TRAF6: variants seen among roughly 807,000 people sequenced by gnomAD.
TRAF6 encodes the protein TNF receptor associated factor 6.
TRAF6 carries 10 observed loss-of-function variants against 48.4 expected under a neutral mutation model. That is an observed-to-expected ratio of 0.21 (90% CI 0.13 to 0.35). The LOEUF is 0.35. TRAF6 is among the 10% of genes least tolerant of loss of function. The pLI is 1.00. For missense variants in TRAF6, 397 were observed against 661.0 expected (o/e 0.60, Z 4.38); for synonymous variants, 186 against 219.6 (o/e 0.85, Z 1.35).
chr11:36,509,866 G>A (rs1020413924), intron 1 of TRAF6, among the ~76,000 whole-genome samples, 182 bp downstream of exon 1: 98 of 151,846 alleles, frequency 6.5e-4, no homozygotes, highest in Admixed American at 5.9e-4. Flanking sequence ...CAAGCGGGTA[G>A]GGGCGGCGTC....
chr11:36,510,021 A>G (rs1859886212), intron 1 of TRAF6, 27 bp downstream of exon 1: 1 of 152,294 alleles, frequency 6.6e-6, no homozygotes, highest in South Asian at 2.1e-4. Flanking sequence ...GGCGGCCGCC[A>G]GGAGGAGGCG....
intron 5 of TRAF6, among the ~76,000 whole-genome samples, chr11:36,494,708 G>A (rs1190493146): frequency 6.6e-6 from 1 of 151,366 alleles, no homozygotes; most frequent in East Asian, 1.9e-4. Flanking sequence ...CTTAAAATTG[G>A]TTTTGTTGGG....
Position 36,490,553 on chromosome 11 carries a change from T to C in TRAF6, c.854A>G (p.Asp285Gly), listed in dbSNP as rs1158440319. Reference sequence around the variant, plus strand: ...CCGGACCTCTGAGATATACCCAGAGTCGGGTATAACGCTCAAACTATGAAC... The same window carrying C: ...CCGGACCTCTGAGATATACCCAGAGCCGGGTATAACGCTCAAACTATGAAC... Reference protein sequence around the residue: ...QAVHSLSVIPDSGYISEVRNF... With the variant: ...QAVHSLSVIPGSGYISEVRNF... Residue 285 changes from aspartate to glycine, a missense_variant, in exon 7 of 7, where the codon GAC (aspartate) becomes GGC (glycine). Physicochemically the swap from Asp to Gly is moderately conservative, Grantham distance 94. Transcript: ENST00000526995. The surrounding 1 kb of genome is among the most constrained non-coding windows in gnomAD (Gnocchi z 6.4). 1.2e-6 allele frequency: 2 copies of C among 1,613,706 alleles called. No individual in the cohort carries two copies. Among genetic ancestry groups the C allele is most frequent in the East Asian group, 2.2e-5 (1 of 44,884 alleles).
chr11:36,497,309 A>C (rs755023627), intron 3 of TRAF6, 43 bp from the exon 4 acceptor site: 30 of 1,568,384 alleles, frequency 1.9e-5, no homozygotes, highest in Non-Finnish European at 2.5e-5. Flanking sequence ...CCAACTCTGA[A>C]GTCTTCTACA....
intron 4 of TRAF6, among the ~76,000 whole-genome samples, 182 bp from the exon 5 acceptor site, chr11:36,495,229 A>C (rs1455663151): frequency 1.3e-5 from 2 of 152,224 alleles, no homozygotes; most frequent in East Asian, 3.8e-4. Flanking sequence ...TCCCAGTGTA[A>C]TAATGAGATT....
intron 1 of TRAF6, among the ~76,000 whole-genome samples, chr11:36,508,352 G>T (rs1018530811): frequency 9.2e-5 from 14 of 151,836 alleles, no homozygotes; most frequent in African/African-American, 3.4e-4. Flanking sequence ...ACTTATTTCA[G>T]CCGTAAAATG....
intron 4 of TRAF6, among the ~76,000 whole-genome samples, chr11:36,496,669 T>C (rs912393073): frequency 6.6e-6 from 1 of 152,204 alleles, no homozygotes; most frequent in African/African-American, 2.4e-5. Flanking sequence ...CGATAAAGTA[T>C]CATCAAGAAA....
intron 1 of TRAF6, among the ~76,000 whole-genome samples, chr11:36,503,008 A>G (rs1025809726): frequency 6.6e-6 from 1 of 152,244 alleles, no homozygotes; most frequent in African/African-American, 2.4e-5. Context: ...TATGGAGCTT[A>G]AAAGGTTAAG....
At position 36,489,921 on chromosome 11, in the gene TRAF6, G is replaced by A; in HGVS notation, c.1486C>T (p.Arg496Cys). ...TCAAAGCGGGTGGAGACCTCACAGC[G>A]CACTAATAATGTGTCATCCTTAATG... ...TFIKDDTLLV[R>C]CEVSTRFDMG... The change falls in exon 7 of 7, where the codon CGC (arginine) becomes TGC (cysteine). Residue 496 changes from arginine (R) to cysteine (C), a missense_variant. By Grantham distance (180) the Arg-to-Cys change is radical (BLOSUM62 -3). This residue lies in a region of TRAF6 where 74 missense variants were observed against 198.9 expected (regional missense o/e 0.37). Transcript: ENST00000526995. The A allele has an allele frequency of 6.2e-7, 1 of 1,614,112 alleles. No homozygotes were observed. The highest frequency in any genetic ancestry group is 8.5e-7 in the Non-Finnish European group (1 of 1,180,010).
chr11:36,497,370 T>A, intron 3 of TRAF6, 104 bp from the exon 4 acceptor site: 1 of 1,086,172 alleles, frequency 9.2e-7, no homozygotes, highest in Non-Finnish European at 1.3e-6. Context: ...CTACTGAACC[T>A]ACTTTGTCTA....
intron 1 of TRAF6, among the ~76,000 whole-genome samples, chr11:36,509,412 G>A (rs936189886): frequency 6.6e-6 from 1 of 151,544 alleles, no homozygotes; most frequent in East Asian, 1.9e-4. Context: ...GAAAACATTC[G>A]TGTCATCTGA....
chr11:36,501,904 TC>T (rs1405617308), intron 1 of TRAF6: 1 of 155,654 alleles, frequency 6.4e-6, no homozygotes, highest in Non-Finnish European at 1.4e-5. Context: ...CATGTTTGTT[TC>T]CTGTGATTGA....
rs1410994328 is a variant in TRAF6, at chr11:36,490,047, G to C, written c.1360C>G (p.Pro454Ala). 1 of 1,614,222 alleles carries C rather than the reference G, an allele frequency of 6.2e-7. No individual in the cohort carries two copies. Residue 454 changes from proline to alanine, a missense_variant, in exon 7 of 7, where the codon CCA becomes GCA. Physicochemically the swap from Pro to Ala is conservative, Grantham distance 27. Transcript: ENST00000526995. The surrounding 1 kb of genome is among the most constrained non-coding windows in gnomAD (Gnocchi z 6.4). The part of the protein sequence containing the change: ...QNHEEIMDAK[P>A]ELLAFQRPTI... ...GGTCGCTGGAAAGCAAGCAGCTCTG[G>C]TTTGGCATCCATTATCTCTTCGTGG...
At chr11:36,500,174 A>C (rs1216959255) in intron 2 of TRAF6, among the ~76,000 whole-genome samples, 1 of 152,226 alleles carries the variant, frequency 6.6e-6, no homozygotes, top group East Asian at 1.9e-4. Flanking sequence ...GGTGCTTTAG[A>C]AGGCAGAAAG....
rs1859493807 is a variant in TRAF6, at chr11:36,487,017, G to C, written c.*2821C>G. ...GAGGCAGGAGAATGGCTTGAGCCCGGGAGGTGGAGGTTGCAGTGAGCCGAG... is the reference window on the plus strand; with the variant it reads ...GAGGCAGGAGAATGGCTTGAGCCCGCGAGGTGGAGGTTGCAGTGAGCCGAG... On this transcript the variant is annotated 3_prime_UTR_variant, in exon 7 of 7. Transcript: ENST00000526995. 1 of 151,882 alleles carries C rather than the reference G, an allele frequency of 6.6e-6. No individual in the cohort carries two copies. Among genetic ancestry groups the C allele is most frequent in the Non-Finnish European group, 1.5e-5 (1 of 68,108 alleles). The allele number at this position is 151,882 out of a possible 1,614,324, so 9.4% of individuals were successfully genotyped here.
intron 5 of TRAF6, among the ~76,000 whole-genome samples, chr11:36,494,412 A>AT (rs1273982999): frequency 6.6e-6 from 1 of 152,068 alleles, no homozygotes; most frequent in Admixed American, 6.6e-5. Context: ...TTCTATTACA[A>AT]TTACTACTTC....
intron 1 of TRAF6, among the ~76,000 whole-genome samples, chr11:36,502,375 C>A (rs1014203622): frequency 1.3e-5 from 2 of 152,084 alleles, no homozygotes; most frequent in Non-Finnish European, 2.9e-5. Context: ...GATGAGATAT[C>A]CTCAAATTCT....
chr11:36,491,916 A>AT (rs574352568), intron 6 of TRAF6, among the ~76,000 whole-genome samples: 46 of 150,966 alleles, frequency 3.0e-4, no homozygotes, highest in Middle Eastern at 6.8e-3. Context: ...ATTAAAACAG[A>AT]TTTTTTTTTT....
At position 36,484,142 on chromosome 11, in the gene TRAF6, T is replaced by C. The variant is rs373544795; in HGVS notation, c.*5696A>G. ...GAGGCCATCCGAGGTTTCACTGCCA[T>C]TAGGAGCAGGGCTTGTTTTATGCGC... On this transcript the variant is annotated 3_prime_UTR_variant, in exon 7 of 7. Transcript: ENST00000526995. 6.6e-6 allele frequency among the ~76,000 whole-genome samples: 1 copy of C among 152,184 alleles called. No individual in the cohort carries two copies. Among genetic ancestry groups the C allele is most frequent in the African/African-American group, 2.4e-5 (1 of 41,444 alleles).
Sources: allele counts gnomAD v4.1 joint callset (sites outside exome capture counted in the v4.1 genomes callset), GRCh38; gene constraint gnomAD v4.1.1; regional missense constraint gnomAD v4.1.1; non-coding constraint Gnocchi (gnomAD v3.1); transcripts MANE v1.5; gene names NCBI Gene and HGNC (gene_info 2026-07-23, HGNC 2026-07-21).